LMO7: variants seen among roughly 807,000 people sequenced by gnomAD.
LMO7 encodes the protein LIM domain 7.
Under a neutral mutation model 206.5 loss-of-function variants are expected in LMO7, and 120 were observed. The observed-to-expected ratio is 0.58, with a 90% confidence interval of 0.50 to 0.68. The LOEUF (loss-of-function observed/expected upper bound fraction) is 0.68. Among genes scored for constraint, LMO7 ranks in the 30% least tolerant of loss-of-function variants. The pLI is 0.00. For missense variants in LMO7, 1,959 were observed against 1,957.9 expected (o/e 1.00, Z -0.01); for synonymous variants, 706 against 681.5 (o/e 1.04, Z -0.56).
At position 75,836,417 on chromosome 13, in the gene LMO7, C is replaced by A; in HGVS notation, c.3354C>A (p.Ile1118=). 6.5e-7 allele frequency: 1 copy of A among 1,537,554 alleles called. No homozygotes were observed. Among genetic ancestry groups the A allele is most frequent in the South Asian group, 1.2e-5 (1 of 84,118 alleles). The change falls in exon 19 of 31, where the codon ATC becomes ATA. Residue 1118 remains isoleucine, a synonymous_variant. Coordinates refer to ENST00000377534, the MANE Select transcript of LMO7 (RefSeq NM_001306080.2). ...LQSSNIESKE[I]NGIHDESNAF... ...TCCAGAATATTGAATCCAAAGAAAT[C>A]AATGGAATTCATGATGAAAGCAATG...
At chr13:75,740,097 A>G (rs1206400423) in intron 3 of LMO7, among the ~76,000 whole-genome samples, 1 of 152,230 alleles carries the variant, frequency 6.6e-6, no homozygotes, top group East Asian at 1.9e-4. Flanking sequence ...GGTTGAAGAG[A>G]AAATACTTAA....
intron 2 of LMO7, among the ~76,000 whole-genome samples, chr13:75,717,974 T>C (rs2043695271): frequency 6.6e-6 from 1 of 152,244 alleles, no homozygotes; most frequent in Admixed American, 6.5e-5. Context: ...CACTTTCAAG[T>C]AATATAAGCT....
At chr13:75,740,687 C>T (rs2046338382) in intron 3 of LMO7, among the ~76,000 whole-genome samples, 1 of 152,164 alleles carries the variant, frequency 6.6e-6, no homozygotes, top group Non-Finnish European at 1.5e-5. Context: ...GTGTGACTCC[C>T]TCATCCTTGC....
At chr13:75,748,148 G>C (rs2047001492) in intron 3 of LMO7, among the ~76,000 whole-genome samples, 1 of 152,154 alleles carries the variant, frequency 6.6e-6, no homozygotes, top group Non-Finnish European at 1.5e-5. Flanking sequence ...TCTCCTAAAA[G>C]GTGTAGCAGA....
At chr13:75,831,456 T>TG (rs1826935228) in intron 15 of LMO7, among the ~76,000 whole-genome samples, 5 of 152,280 alleles carry the variant, frequency 3.3e-5, no homozygotes, top group Admixed American at 3.3e-4. Flanking sequence ...TTCAAATTCT[T>TG]GTGTACTCAG....
intron 4 of LMO7, among the ~76,000 whole-genome samples, chr13:75,779,610 C>T (rs2051012415): frequency 6.6e-6 from 1 of 151,974 alleles, no homozygotes; most frequent in South Asian, 2.1e-4. Context: ...TCTGAAATTC[C>T]AAGTGTTATA....
At chr13:75,806,100 C>T in intron 9 of LMO7, 1 of 1,059,196 alleles carries the variant, frequency 9.4e-7, no homozygotes. Context: ...CAGGTTCTGA[C>T]AGAAGCGCCA....
intron 24 of LMO7, among the ~76,000 whole-genome samples, chr13:75,842,588 A>G (rs2059638660): frequency 1.3e-5 from 2 of 152,140 alleles, no homozygotes; most frequent in African/African-American, 2.4e-5. Flanking sequence ...GTGTACTCCT[A>G]TAGCCCATTC....
In LMO7 at chr13:75,682,693, G is replaced by C. The variant is rs9600525; in HGVS notation, c.70-30489G>C. Among the ~76,000 whole-genome samples the C allele has an allele frequency of 8.9e-3, 1,352 of 152,200 alleles. 26 individuals are homozygous for C. The highest frequency in any genetic ancestry group is 0.03 in the African/African-American group (1,249 of 41,522). ...TCTCAGAAATATCCAGTCATTATGG[G>C]ATGTATTACTGTACTTCTAGTCCAT... On this transcript the variant is annotated intron_variant, in intron 1 of 30. Coordinates refer to ENST00000377534, the MANE Select transcript of LMO7 (RefSeq NM_001306080.2).
chr13:75,769,343 C>G (rs1374632497), intron 4 of LMO7, among the ~76,000 whole-genome samples: 2 of 151,940 alleles, frequency 1.3e-5, no homozygotes, highest in African/African-American at 4.8e-5. Flanking sequence ...CAGAGTGCCC[C>G]TACTAACCTG....
At chr13:75,677,652 T>TTTA (rs1555292515) in intron 1 of LMO7, among the ~76,000 whole-genome samples, 7 of 151,456 alleles carry the variant, frequency 4.6e-5, no homozygotes, top group East Asian at 3.9e-4. Flanking sequence ...CTTTTTTTTT[T>TTTA]TTATTATACT....
chr13:75,815,671 T>C (rs1399966109), intron 11 of LMO7, among the ~76,000 whole-genome samples: 1 of 152,136 alleles, frequency 6.6e-6, no homozygotes, highest in Non-Finnish European at 1.5e-5. Context: ...GAAAGATGTT[T>C]GTTGAAACTG....
intron 3 of LMO7, among the ~76,000 whole-genome samples, chr13:75,733,840 C>T (rs970873386): frequency 1.3e-5 from 2 of 152,166 alleles, no homozygotes; most frequent in Non-Finnish European, 2.9e-5. Flanking sequence ...CATATGTTTC[C>T]TTTCCTGGCT....
intron 27 of LMO7, 80 bp downstream of exon 27, chr13:75,849,372 A>G: frequency 9.0e-7 from 1 of 1,116,896 alleles, no homozygotes; most frequent in Non-Finnish European, 1.3e-6. Flanking sequence ...GGTGCTTTGG[A>G]CAGAAGAGAT....
At chr13:75,847,892 T>C (rs1163284553) in intron 26 of LMO7, among the ~76,000 whole-genome samples, 1 of 152,184 alleles carries the variant, frequency 6.6e-6, no homozygotes, top group Non-Finnish European at 1.5e-5. Flanking sequence ...CACTGAGAAT[T>C]GATAATGTTA....
At chr13:75,772,600 G>A (rs185034636) in intron 4 of LMO7, among the ~76,000 whole-genome samples, 43 of 152,168 alleles carry the variant, frequency 2.8e-4, no homozygotes, top group Non-Finnish European at 5.4e-4. Flanking sequence ...ACCCTCATAT[G>A]ACTCCAAACC....
intron 3 of LMO7, among the ~76,000 whole-genome samples, chr13:75,737,616 G>C (rs1390295714): frequency 6.8e-6 from 1 of 146,434 alleles, no homozygotes; most frequent in East Asian, 2.0e-4. Flanking sequence ...AGCCGGGCGT[G>C]GTAGCGGGCG....
chr13:75,819,146 T>G (rs1369729676), intron 12 of LMO7: 1 of 340,146 alleles, frequency 2.9e-6, no homozygotes, highest in African/African-American at 2.1e-5. Context: ...AAGTGTGCAA[T>G]GAGGCAGATA....
At chr13:75,854,037 A>G (rs1338441804) in intron 28 of LMO7, among the ~76,000 whole-genome samples, 1 of 152,076 alleles carries the variant, frequency 6.6e-6, no homozygotes, top group Non-Finnish European at 1.5e-5. Context: ...ATGTTATGAT[A>G]GGGTGTTATG....
Sources: gnomAD v4.1 joint callset for allele counts (sites outside exome capture counted in the v4.1 genomes callset) on GRCh38, gnomAD v4.1.1 for gene constraint, MANE v1.5 for transcripts, NCBI Gene and HGNC (gene_info 2026-07-23, HGNC 2026-07-21) for gene names.